The following SGCZ variants were observed in gnomAD, a reference collection of about 807,000 sequenced individuals.
SGCZ encodes sarcoglycan zeta.
SGCZ carries 40 observed loss-of-function variants against 41.3 expected under a neutral mutation model. That is an observed-to-expected ratio of 0.97 (90% CI 0.75 to 1.26). SGCZ has a LOEUF of 1.26. SGCZ is among the 50% of genes most tolerant of loss of function. SGCZ has a pLI of 0.00. For synonymous variants in SGCZ, 206 were observed against 137.5 expected (o/e 1.50, Z -3.49); for missense variants, 552 against 369.8 (o/e 1.49, Z -4.04).
At chr8:15,094,278 G>T (rs1300494879) in intron 1 of SGCZ, among the ~76,000 whole-genome samples, 1 of 152,050 alleles carries the variant, frequency 6.6e-6, no homozygotes, top group African/African-American at 2.4e-5. Flanking sequence ...GAGATTACAG[G>T]CGTGCACCAC....
chr8:15,211,632 A>G (rs1256644840), intron 1 of SGCZ, among the ~76,000 whole-genome samples: 1 of 152,070 alleles, frequency 6.6e-6, no homozygotes, highest in East Asian at 1.9e-4. Context: ...AAACAATATC[A>G]TACCTTCTTC....
intron 1 of SGCZ, among the ~76,000 whole-genome samples, chr8:14,743,752 A>G (rs1276351553): frequency 6.6e-6 from 1 of 152,140 alleles, no homozygotes; most frequent in East Asian, 1.9e-4. Flanking sequence ...TCTTGCAAAA[A>G]GAAAACCAGA....
chr8:14,264,843 G>C (rs1799818273), intron 3 of SGCZ, among the ~76,000 whole-genome samples: 2 of 152,026 alleles, frequency 1.3e-5, no homozygotes. Flanking sequence ...GGCGCCTGTA[G>C]TCCCAGCTAC....
At chr8:14,246,631 G>A (rs906879491) in intron 3 of SGCZ, among the ~76,000 whole-genome samples, 2 of 151,518 alleles carry the variant, frequency 1.3e-5, no homozygotes, top group African/African-American at 4.8e-5. Flanking sequence ...GTAAAAGCTG[G>A]GCATGGCGGC....
intron 7 of SGCZ, among the ~76,000 whole-genome samples, chr8:14,101,886 TTTTG>T (rs577534887): frequency 2.0e-3 from 300 of 151,624 alleles, no homozygotes; most frequent in Middle Eastern, 6.8e-3. Context: ...AAATATGTAC[TTTTG>T]TTTGTTTGTT....
intron 1 of SGCZ, among the ~76,000 whole-genome samples, chr8:14,751,211 A>G (rs1189533652): frequency 6.6e-6 from 1 of 152,196 alleles, no homozygotes; most frequent in Non-Finnish European, 1.5e-5. Context: ...CATCAGTGAT[A>G]AAGATAGACA....
chr8:14,861,044 T>G (rs1803730049), intron 1 of SGCZ, among the ~76,000 whole-genome samples: 1 of 152,180 alleles, frequency 6.6e-6, no homozygotes, highest in Non-Finnish European at 1.5e-5. Context: ...CAGCACAGAA[T>G]TGCAGTGAGC....
chr8:15,024,228 GC>G (rs1423673588), intron 1 of SGCZ, among the ~76,000 whole-genome samples: 2 of 152,078 alleles, frequency 1.3e-5, no homozygotes, highest in African/African-American at 4.8e-5. Context: ...TTTTCATGGT[GC>G]TTTTGATGTT....
At chr8:14,450,626 A>C (rs957690372) in intron 2 of SGCZ, among the ~76,000 whole-genome samples, 1 of 152,172 alleles carries the variant, frequency 6.6e-6, no homozygotes, top group African/African-American at 2.4e-5. Flanking sequence ...CAATTTTTTA[A>C]AAAAAGTATG....
intron 1 of SGCZ, among the ~76,000 whole-genome samples, chr8:15,218,543 T>C (rs1183464106): frequency 6.6e-6 from 1 of 152,188 alleles, no homozygotes; most frequent in African/African-American, 2.4e-5. Context: ...CATACATCCA[T>C]GCAAAGACCA....
At chr8:14,579,958 A>G (rs1256524688) in intron 1 of SGCZ, among the ~76,000 whole-genome samples, 1 of 152,144 alleles carries the variant, frequency 6.6e-6, no homozygotes, top group Non-Finnish European at 1.5e-5. Flanking sequence ...TCTATTGAGT[A>G]TTATGATTGT....
intron 4 of SGCZ, among the ~76,000 whole-genome samples, chr8:14,235,173 A>C (rs1381545695): frequency 6.6e-6 from 1 of 152,194 alleles, no homozygotes; most frequent in African/African-American, 2.4e-5. Context: ...GCACCCAACC[A>C]ACTACTAAAT....
At chr8:14,738,651 G>C (rs1041357460) in intron 1 of SGCZ, among the ~76,000 whole-genome samples, 1 of 151,920 alleles carries the variant, frequency 6.6e-6, no homozygotes, top group African/African-American at 2.4e-5. Flanking sequence ...AGCCCATTTG[G>C]GTTTAATAGA....
intron 1 of SGCZ, among the ~76,000 whole-genome samples, chr8:15,101,661 T>C (rs558348918): frequency 6.6e-6 from 1 of 152,270 alleles, no homozygotes; most frequent in Admixed American, 6.5e-5. Context: ...CCAGGAGCGG[T>C]GGCTCACGCA....
chr8:14,605,909 T>C (rs1280844311), intron 1 of SGCZ, among the ~76,000 whole-genome samples: 1 of 152,210 alleles, frequency 6.6e-6, no homozygotes, highest in Non-Finnish European at 1.5e-5. Flanking sequence ...TGTTGCCTCC[T>C]AGTTCTATGA....
chr8:15,040,802 T>C (rs538346249), intron 1 of SGCZ, among the ~76,000 whole-genome samples: 11 of 152,278 alleles, frequency 7.2e-5, no homozygotes, highest in African/African-American at 2.4e-4. Flanking sequence ...TTTAAACATA[T>C]CAAAAGATAA....
At chr8:15,181,078 AAAGCCATT>A (rs1347542042) in intron 1 of SGCZ, among the ~76,000 whole-genome samples, 1 of 152,180 alleles carries the variant, frequency 6.6e-6, no homozygotes, top group African/African-American at 2.4e-5. Context: ...CACTCAATAA[AAAGCCATT>A]AAAAGAAAAA....
intron 2 of SGCZ, among the ~76,000 whole-genome samples, chr8:14,499,648 G>C (rs1005380163): frequency 1.3e-5 from 2 of 151,958 alleles, no homozygotes; most frequent in Admixed American, 6.6e-5. Context: ...TCTTCTGCTA[G>C]TTTAAATTTT....
intron 1 of SGCZ, among the ~76,000 whole-genome samples, chr8:14,702,041 T>A (rs1809155074): frequency 1.3e-5 from 2 of 151,916 alleles, no homozygotes; most frequent in African/African-American, 4.8e-5. Flanking sequence ...TTCTTCAGTC[T>A]CATTCAAAAT....
Sources: gnomAD v4.1 joint callset for allele counts (sites outside exome capture counted in the v4.1 genomes callset) on GRCh38, gnomAD v4.1.1 for gene constraint, MANE v1.5 for transcripts, NCBI Gene and HGNC (gene_info 2026-07-23, HGNC 2026-07-21) for gene names.